HMGCL: variants seen among roughly 807,000 people sequenced by gnomAD.
The protein encoded by HMGCL is 3-hydroxy-3-methylglutaryl-CoA lyase.
In HMGCL, 26 loss-of-function variants were observed where a neutral mutation model predicts 37.3. The observed-to-expected ratio is 0.70, with a 90% CI of 0.51 to 0.97. The LOEUF (loss-of-function observed/expected upper bound fraction) is 0.97. Ranked by LOEUF, HMGCL falls within the 50% of genes least tolerant of loss-of-function variation. HMGCL has a pLI of 0.00. For synonymous variants in HMGCL, 151 were observed against 148.0 expected, an observed-to-expected ratio of 1.02 and a Z score of -0.15; for missense variants, 379 against 398.1, an observed-to-expected ratio of 0.95 and a Z score of 0.41.
intron 4 of HMGCL, among the ~76,000 whole-genome samples, chr1:23,815,589 G>A (rs1489454915): frequency 2.0e-5 from 3 of 150,814 alleles, no homozygotes; most frequent in East Asian, 2.0e-4. Context: ...TCCGCCTTCC[G>A]GGTTCAAGTG....
At position 23,825,388 on chromosome 1, in the gene HMGCL, G is replaced by A. The variant is rs758143218; in HGVS notation, c.28C>T (p.Arg10Trp). ...AGGGACGCCAAGCCCACCAGTCGCC[G>A]CGGAAGCGCCTTCCTCATTGCTGCC... MAAMRKALPRRLVGLASLRA... is the reference protein window; with the variant it reads MAAMRKALPWRLVGLASLRA... Residue 10 changes from arginine (R) to tryptophan (W), a missense_variant, in exon 1 of 9, where the codon CGG (arginine) becomes TGG (tryptophan). Transcript: ENST00000374490. 2.2e-5 allele frequency: 35 copies of A among 1,561,418 alleles called. No individual in the cohort carries two copies. Among genetic ancestry groups the A allele is most frequent in the Non-Finnish European group, 2.6e-5 (30 of 1,153,516 alleles).
rs756737191 is a variant in HMGCL, at chr1:23,810,811, C to A, written c.498-12G>T. 6.2e-7 allele frequency: 1 copy of A among 1,612,692 alleles called. No individual in the cohort carries two copies. On this transcript the variant is annotated splice_polypyrimidine_tract_variant and intron_variant, in intron 5 of 8. Transcript: ENST00000374490. ...CACAGGAGACGTACCTGTGGGAAGA[C>A]AGGGGAGGAATGAGGTCAGTGTCCT...
At chr1:23,819,778 A>G (rs1032724646) in intron 2 of HMGCL, among the ~76,000 whole-genome samples, 3 of 150,190 alleles carry the variant, frequency 2.0e-5, no homozygotes, top group African/African-American at 7.3e-5. Flanking sequence ...CACATGCACT[A>G]TTTGTTTTTG....
intron 5 of HMGCL, among the ~76,000 whole-genome samples, chr1:23,813,065 T>C (rs1638549367): frequency 1.3e-5 from 2 of 151,534 alleles, no homozygotes; most frequent in African/African-American, 4.9e-5. Flanking sequence ...AATTTTTGTA[T>C]TTTTAGTAGA....
At chr1:23,808,640 C>G (rs1189135718) in intron 6 of HMGCL, among the ~76,000 whole-genome samples, 1 of 152,120 alleles carries the variant, frequency 6.6e-6, no homozygotes, top group East Asian at 1.9e-4. Context: ...ACTGTCAGAC[C>G]CAGGTGCTGG....
At chr1:23,816,294 G>A in intron 4 of HMGCL, 1 of 311,256 alleles carries the variant, frequency 3.2e-6, no homozygotes, top group South Asian at 3.0e-5. Context: ...TTGTAAGAAA[G>A]TTGGCAGATG....
At chr1:23,817,610 C>T (rs1409415500) in intron 2 of HMGCL, 27 bp from the exon 3 acceptor site, 3 of 1,432,962 alleles carry the variant, frequency 2.1e-6, no homozygotes, top group African/African-American at 1.4e-5. Context: ...AACACCAAGG[C>T]AGCAAAGTTA....
chr1:23,821,666 A>T (rs113301583), intron 1 of HMGCL, among the ~76,000 whole-genome samples: 5 of 152,274 alleles, frequency 3.3e-5, no homozygotes, highest in African/African-American at 1.2e-4. Flanking sequence ...CTCAAAAAAA[A>T]AAATTAAATG....
chr1:23,804,199 C>T, intron 8 of HMGCL: 1 of 657,296 alleles, frequency 1.5e-6, no homozygotes, highest in Admixed American at 2.3e-5. Flanking sequence ...CAGCCTCAAA[C>T]TCCTGGGCTC....
At chr1:23,814,591 G>A (rs1239038664) in intron 4 of HMGCL, among the ~76,000 whole-genome samples, 9 of 151,970 alleles carry the variant, frequency 5.9e-5, no homozygotes, top group African/African-American at 1.5e-4. Context: ...GGCTGGTTTC[G>A]AACTCCTGAC....
intron 1 of HMGCL, among the ~76,000 whole-genome samples, chr1:23,824,312 A>G (rs1036470774): frequency 2.6e-5 from 4 of 152,336 alleles, no homozygotes; most frequent in South Asian, 2.1e-4. Context: ...ACTTGAACCC[A>G]TATCTAGGCC....
Position 23,806,912 on chromosome 1 carries a change from A to T in HMGCL, c.750+1223T>A. 1 of 514,728 alleles carries T rather than the reference A, an allele frequency of 1.9e-6. No individual in the cohort carries two copies. The highest frequency in any genetic ancestry group is 1.4e-5 in the South Asian group (1 of 71,146). The allele number at this position is 514,728 out of a possible 1,614,324, so 31.9% of individuals were successfully genotyped here. On this transcript the variant is annotated intron_variant, in intron 7 of 8. Transcript: ENST00000374490. This position sits in a 1 kb window ranked among gnomAD's most constrained non-coding sequence, Gnocchi z 4.0. ...TAACATGAGCTCCCAGAGGGCAGGG[A>T]TTGGGTCTTGTTACCATTGTCTAAG...
intron 1 of HMGCL, among the ~76,000 whole-genome samples, chr1:23,823,602 C>T (rs975511843): frequency 1.3e-5 from 2 of 152,150 alleles, no homozygotes; most frequent in African/African-American, 4.8e-5. Flanking sequence ...ATCCACCCAC[C>T]TCAGCCTCCC....
At chr1:23,812,009 G>T (rs1458588635) in intron 5 of HMGCL, among the ~76,000 whole-genome samples, 1 of 152,228 alleles carries the variant, frequency 6.6e-6, no homozygotes, top group East Asian at 1.9e-4. Context: ...AGATCTGGGA[G>T]TTGGGCCAAT....
intron 7 of HMGCL, chr1:23,807,074 T>C (rs1416781046): frequency 1.9e-6 from 1 of 519,034 alleles, no homozygotes; most frequent in Non-Finnish European, 3.8e-6. Flanking sequence ...TTCTGAGATA[T>C]CACTGCCATG....
chr1:23,816,438 A>G (rs551835978), intron 4 of HMGCL: 10 of 576,302 alleles, frequency 1.7e-5, no homozygotes, highest in African/African-American at 1.5e-4. Flanking sequence ...CATGCATCCT[A>G]TCTTCTGAAA....
Position 23,804,515 on chromosome 1 carries a change from CT to C in HMGCL, c.760del (p.Ser254ValfsTer32). The C allele has an allele frequency of 6.2e-7, 1 of 1,614,194 alleles. No individual in the cohort carries two copies. ...TCCTGCCACAGAAGAGTCCACGACACTCACTCCCATCTAGAAACATAAGGAT... is the reference window on the plus strand; with the variant it reads ...TCCTGCCACAGAAGAGTCCACGACACCACTCCCATCTAGAAACATAAGGAT... Reference protein sequence around the residue: ...NTLMALQMGVSVVDSSVAGLG... With the variant: ...NTLMALQMGVXVVDSSVAGLG... On this transcript the variant is annotated frameshift_variant, in exon 8 of 9. Transcript: ENST00000374490. LOFTEE classifies it high-confidence loss of function.
At position 23,802,958 on chromosome 1, in the gene HMGCL, C is replaced by A. The variant is rs60144614; in HGVS notation, c.877-394G>T. Among the ~76,000 whole-genome samples, 55 of 152,348 alleles carry A rather than the reference C, an allele frequency of 3.6e-4. 1 individual carries two copies. The East Asian group carries it at 9.1e-3, about 25-fold the overall frequency. On this transcript the variant is annotated intron_variant, in intron 8 of 8. Coordinates refer to ENST00000374490, the MANE Select transcript of HMGCL (RefSeq NM_000191.3). ...CAACTGAAAGGGCCAGACAGAAACC[C>A]TCTGTTCATACAGTAGCTCATATTT... is the stretch of plus-strand genomic sequence containing the variant.
At chr1:23,803,575 AT>A (rs1638334093) in intron 8 of HMGCL, 1 of 152,280 alleles carries the variant, frequency 6.6e-6, no homozygotes, top group African/African-American at 2.4e-5. Flanking sequence ...ACCTCAGGTG[AT>A]CCACCCGCCT....
Sources: allele counts gnomAD v4.1 joint callset (sites outside exome capture counted in the v4.1 genomes callset), GRCh38; gene constraint gnomAD v4.1.1; non-coding constraint Gnocchi (gnomAD v3.1); transcripts MANE v1.5; gene names NCBI Gene and HGNC (gene_info 2026-07-23, HGNC 2026-07-21).